Variants in RNF145 observed in about 807,000 individuals in gnomAD.
The protein encoded by RNF145 is ring finger protein 145.
Under a neutral mutation model 57.3 loss-of-function variants are expected in RNF145, and 12 were observed. That is an observed-to-expected ratio of 0.21 (90% confidence interval 0.13 to 0.34). RNF145 has a LOEUF of 0.34. Among genes scored for constraint, RNF145 ranks in the 10% least tolerant of loss-of-function variants. The pLI, the probability that RNF145 is intolerant of heterozygous loss-of-function variation, is 1.00. For missense variants in RNF145, 429 were observed against 799.0 expected, an observed-to-expected ratio of 0.54 and a Z score of 5.58; for synonymous variants, 262 against 288.3, an observed-to-expected ratio of 0.91 and a Z score of 0.92.
intron 2 of RNF145, 106 bp from the exon 3 acceptor site, chr5:159,194,930 T>TTA: frequency 1.3e-6 from 1 of 744,588 alleles, no homozygotes; most frequent in Non-Finnish European, 2.1e-6. Context: ...GTTTCAGTAC[T>TTA]TTCTGAGGTT....
chr5:159,173,708 T>G (rs1424956263), intron 6 of RNF145, among the ~76,000 whole-genome samples: 3 of 152,196 alleles, frequency 2.0e-5, no homozygotes, highest in African/African-American at 7.2e-5. Flanking sequence ...AATTTTAACT[T>G]GAAATTGAAA....
chr5:159,166,240 G>C (rs1193769984), intron 8 of RNF145, among the ~76,000 whole-genome samples: 2 of 152,130 alleles, frequency 1.3e-5, no homozygotes, highest in African/African-American at 4.8e-5. Flanking sequence ...GCCTCATCAA[G>C]TTTTTTGTCC....
At chr5:159,175,625 C>T (rs1281542595) in intron 5 of RNF145, among the ~76,000 whole-genome samples, 1 of 152,152 alleles carries the variant, frequency 6.6e-6, no homozygotes, top group South Asian at 2.1e-4. Flanking sequence ...CATGAAGCCA[C>T]TCTTCACTGA....
intron 4 of RNF145, 104 bp downstream of exon 4, chr5:159,181,856 C>T: frequency 1.5e-6 from 1 of 671,652 alleles, no homozygotes; most frequent in Non-Finnish European, 2.6e-6. Flanking sequence ...CCATGAATCA[C>T]TTTTGAGAAT....
chr5:159,161,625 G>A lies in RNF145; in HGVS notation c.1270-3C>T, dbSNP rs1161880885. ...TAAATAAAAAGTGTTCCCAGAACCT[G>A]AAAAAAAAAAAAAAATGTACGTATC... On this transcript the variant is annotated splice_polypyrimidine_tract_variant and splice_region_variant and intron_variant, in intron 9 of 10. Transcript: ENST00000424310. 1.1e-4 allele frequency: 150 copies of A among 1,310,962 alleles called. No individual in the cohort carries two copies. The highest frequency in any genetic ancestry group is 4.3e-4 in the East Asian group (18 of 41,680). 81.2% of individuals were successfully genotyped at this position (1,310,962 alleles called of 1,614,324 possible).
Position 159,181,242 on chromosome 5 carries a change from C to T in RNF145, c.385+718G>A, listed in dbSNP as rs575297914. 4.1e-4 allele frequency among the ~76,000 whole-genome samples: 63 copies of T among 151,988 alleles called. No homozygotes were observed. The South Asian group carries it at 4.2e-3, about 10-fold the overall frequency. Reference sequence around the variant, plus strand: ...CAGTCCACAGCATTCCCCCCTTCACCACACAAGACACATAACTCCCCAAAT... The same window carrying T: ...CAGTCCACAGCATTCCCCCCTTCACTACACAAGACACATAACTCCCCAAAT... On this transcript the variant is annotated intron_variant, in intron 4 of 10. Transcript: ENST00000424310.
chr5:159,204,679 C>A (rs1352610407), intron 1 of RNF145, among the ~76,000 whole-genome samples: 2 of 151,778 alleles, frequency 1.3e-5, no homozygotes, highest in Non-Finnish European at 2.9e-5. Flanking sequence ...TGGTGCACAC[C>A]TGTAGTCCCA....
At chr5:159,181,731 C>A (rs75997021) in intron 4 of RNF145, among the ~76,000 whole-genome samples, 2 of 117,402 alleles carry the variant, frequency 1.7e-5, no homozygotes. Flanking sequence ...CTTAAAAAAA[C>A]ACAAGCAACT....
chr5:159,200,838 A>G (rs1785636351), intron 2 of RNF145, among the ~76,000 whole-genome samples: 1 of 152,218 alleles, frequency 6.6e-6, no homozygotes, highest in Admixed American at 6.5e-5. Context: ...AAGAGAAAAT[A>G]CAGGTTTTTC....
intron 2 of RNF145, among the ~76,000 whole-genome samples, chr5:159,198,959 G>A (rs1427228971): frequency 1.3e-5 from 2 of 152,118 alleles, no homozygotes; most frequent in African/African-American, 4.8e-5. Flanking sequence ...ACCTGCGCAA[G>A]AGTGAGACCC....
At chr5:159,198,960 A>G in intron 2 of RNF145, among the ~76,000 whole-genome samples, 1 of 152,162 alleles carries the variant, frequency 6.6e-6, no homozygotes, top group East Asian at 1.9e-4. Flanking sequence ...CCTGCGCAAG[A>G]GTGAGACCCT....
chr5:159,205,798 C>T (rs1180549871), intron 1 of RNF145, among the ~76,000 whole-genome samples: 1 of 152,142 alleles, frequency 6.6e-6, no homozygotes, highest in Non-Finnish European at 1.5e-5. Context: ...TGATTTAACA[C>T]TTGTAGCCCA....
intron 2 of RNF145, 46 bp downstream of exon 2, chr5:159,203,388 T>G: frequency 7.6e-7 from 1 of 1,317,906 alleles, no homozygotes; most frequent in South Asian, 1.2e-5. Context: ...AAGACATAAA[T>G]CAGAATGCTC....
At chr5:159,207,263 C>T (rs1278147076) in intron 1 of RNF145, among the ~76,000 whole-genome samples, 1 of 152,100 alleles carries the variant, frequency 6.6e-6, no homozygotes, top group Non-Finnish European at 1.5e-5. Flanking sequence ...TTTACAGTCA[C>T]AGCTAATCTC....
chr5:159,184,032 C>T (rs1178557387), intron 3 of RNF145, among the ~76,000 whole-genome samples: 1 of 152,154 alleles, frequency 6.6e-6, no homozygotes, highest in African/African-American at 2.4e-5. Context: ...AGAGCACTAT[C>T]CCCAAGGAGA....
chr5:159,182,296 C>G (rs2113159752), intron 3 of RNF145, among the ~76,000 whole-genome samples: 1 of 152,160 alleles, frequency 6.6e-6, no homozygotes, highest in African/African-American at 2.4e-5. Context: ...ATGAAATTTT[C>G]TTTCTTTTCA....
intron 2 of RNF145, among the ~76,000 whole-genome samples, chr5:159,195,599 A>T (rs907043774): frequency 4.6e-5 from 7 of 151,920 alleles, no homozygotes; most frequent in African/African-American, 1.7e-4. Context: ...AAACGTTGTT[A>T]CTCTTTGGCT....
At chr5:159,159,822 T>C (rs147380685) in intron 10 of RNF145, among the ~76,000 whole-genome samples, 2 of 152,354 alleles carry the variant, frequency 1.3e-5, no homozygotes, top group East Asian at 1.9e-4. Flanking sequence ...GTTAAAGTTA[T>C]AAAGACATAA....
chr5:159,172,764 T>C (rs977823582), intron 6 of RNF145, among the ~76,000 whole-genome samples: 2 of 152,228 alleles, frequency 1.3e-5, no homozygotes, highest in African/African-American at 4.8e-5. Context: ...ACATGCTCCT[T>C]AAGGATAGTA....
Sources: gnomAD v4.1 joint callset for allele counts (sites outside exome capture counted in the v4.1 genomes callset) on GRCh38, gnomAD v4.1.1 for gene constraint, MANE v1.5 for transcripts, NCBI Gene and HGNC (gene_info 2026-07-23, HGNC 2026-07-21) for gene names.